The following PTPRD variants were observed in gnomAD, a reference collection of about 807,000 sequenced individuals.
The protein encoded by PTPRD is receptor-type tyrosine-protein phosphatase delta.
Under a neutral mutation model 214.5 loss-of-function variants are expected in PTPRD, and 34 were observed. The ratio of observed to expected loss-of-function variants is 0.16; its 90% CI spans 0.12 to 0.21. The LOEUF (loss-of-function observed/expected upper bound fraction) is 0.21, where lower values mean the gene tolerates loss of function less well. Ranked by LOEUF, PTPRD falls within the 10% of genes least tolerant of loss-of-function variation. PTPRD has a pLI of 1.00. For missense variants in PTPRD, 2,545 were observed against 2,398.7 expected, an observed-to-expected ratio of 1.06 and a Z score of -1.27; for synonymous variants, 1,128 against 845.7, an observed-to-expected ratio of 1.33 and a Z score of -5.79.
chr9:8,331,951 AAATCCTAAATTTATTTACTCTTGC>A (rs1564001917), intron 43 of PTPRD, among the ~76,000 whole-genome samples: 2 of 38,442 alleles, frequency 5.2e-5, no homozygotes, highest in Non-Finnish European at 7.5e-5. Context: ...TTTACTCTTG[AAATCCTAAATTTATTTACTCTTGC>A]AGTGCCCAGT....
In PTPRD at chr9:8,757,655, CAT is replaced by C. The variant is rs987282214; in HGVS notation, c.-103-23711_-103-23710del. Among the ~76,000 whole-genome samples the C allele has an allele frequency of 3.3e-4, 46 of 138,196 alleles. 1 individual carries two copies. Among genetic ancestry groups the C allele is most frequent in the East Asian group, 3.0e-3 (15 of 4,936 alleles). 90.7% of individuals were successfully genotyped at this position (138,196 alleles called of 152,430 possible). On this transcript the variant is annotated intron_variant, in intron 11 of 45. Transcript: ENST00000381196. ...ATATATATATATACATACATATATA[CAT>C]ATATATATACATACATATATATATA...
At chr9:10,435,805 T>A (rs1263799056) in intron 2 of PTPRD, among the ~76,000 whole-genome samples, 2 of 151,866 alleles carry the variant, frequency 1.3e-5, no homozygotes, top group East Asian at 3.9e-4. Context: ...AAGAAAAGGA[T>A]GAGTTATAAA....
chr9:9,076,270 C>A (rs1297780696), intron 10 of PTPRD, among the ~76,000 whole-genome samples: 3 of 151,968 alleles, frequency 2.0e-5, no homozygotes, highest in Admixed American at 6.6e-5. Flanking sequence ...TGTTTAAGTT[C>A]TTTGTAGATT....
chr9:10,170,277 T>G (rs565815685), intron 3 of PTPRD, among the ~76,000 whole-genome samples: 2 of 152,202 alleles, frequency 1.3e-5, no homozygotes, highest in South Asian at 4.1e-4. Flanking sequence ...AAAGTGGCCA[T>G]TGAAAGAACT....
intron 11 of PTPRD, among the ~76,000 whole-genome samples, chr9:8,961,667 T>C (rs2099159491): frequency 6.6e-6 from 1 of 152,098 alleles, no homozygotes; most frequent in South Asian, 2.1e-4. Context: ...AAGGTTTTAG[T>C]TTCCACTGCC....
At chr9:9,398,937 G>A (rs2069026219) in intron 8 of PTPRD, among the ~76,000 whole-genome samples, 1 of 151,920 alleles carries the variant, frequency 6.6e-6, no homozygotes, top group Non-Finnish European at 1.5e-5. Flanking sequence ...AGCCAACTAT[G>A]CTAGATCAGA....
intron 7 of PTPRD, among the ~76,000 whole-genome samples, chr9:9,641,260 G>A (rs1262941648): frequency 6.6e-6 from 1 of 152,182 alleles, no homozygotes; most frequent in Non-Finnish European, 1.5e-5. Context: ...TGATAAAGTG[G>A]TGAACATGCC....
chr9:9,490,847 A>G (rs898880225), intron 8 of PTPRD, among the ~76,000 whole-genome samples: 3 of 151,880 alleles, frequency 2.0e-5, no homozygotes, highest in African/African-American at 7.2e-5. Flanking sequence ...AAAATAGCAA[A>G]AAGACAGAGG....
At chr9:8,341,542 G>A (rs948706981) in intron 40 of PTPRD, 151 bp downstream of exon 40, 4 of 945,146 alleles carry the variant, frequency 4.2e-6, no homozygotes, top group South Asian at 1.7e-5. Context: ...AGAGGAAAAG[G>A]GGAGGAATAC....
intron 12 of PTPRD, among the ~76,000 whole-genome samples, chr9:8,656,343 G>A (rs977027353): frequency 6.6e-6 from 1 of 152,160 alleles, no homozygotes; most frequent in Non-Finnish European, 1.5e-5. Flanking sequence ...CTTCTTGAAA[G>A]CTGATTCCAC....
At chr9:9,521,470 A>G (rs1273481159) in intron 8 of PTPRD, among the ~76,000 whole-genome samples, 1 of 152,164 alleles carries the variant, frequency 6.6e-6, no homozygotes, top group African/African-American at 2.4e-5. Context: ...TTTCCCAGGT[A>G]TATCATCTGC....
At chr9:8,602,209 A>C (rs944967633) in intron 14 of PTPRD, among the ~76,000 whole-genome samples, 1 of 152,226 alleles carries the variant, frequency 6.6e-6, no homozygotes, top group East Asian at 1.9e-4. Flanking sequence ...CACCTGAGCC[A>C]ATAGTTCTAA....
chr9:8,693,907 T>G (rs1470229965), intron 12 of PTPRD, among the ~76,000 whole-genome samples: 3 of 152,214 alleles, frequency 2.0e-5, no homozygotes, highest in Non-Finnish European at 4.4e-5. Context: ...AGCCCTCAGA[T>G]TTTCCTAAAT....
chr9:8,609,535 G>A (rs921273933), intron 14 of PTPRD, among the ~76,000 whole-genome samples: 5 of 152,268 alleles, frequency 3.3e-5, no homozygotes, highest in East Asian at 1.9e-4. Context: ...TGCATTCCAC[G>A]GAAGCTTGTG....
intron 6 of PTPRD, among the ~76,000 whole-genome samples, chr9:9,760,824 C>T (rs545476913): frequency 1.2e-4 from 18 of 152,102 alleles, no homozygotes; most frequent in African/African-American, 4.3e-4. Flanking sequence ...TAGAGAAATG[C>T]AAATTAAAAA....
intron 2 of PTPRD, among the ~76,000 whole-genome samples, chr9:10,595,730 A>C (rs561317883): frequency 9.6e-4 from 145 of 151,820 alleles, no homozygotes; most frequent in Non-Finnish European, 1.7e-3. Flanking sequence ...AGCACATCTT[A>C]AAGTGGATTT....
intron 6 of PTPRD, among the ~76,000 whole-genome samples, chr9:9,756,180 G>A (rs1328718381): frequency 1.3e-5 from 2 of 151,968 alleles, no homozygotes; most frequent in South Asian, 4.1e-4. Context: ...TCTGACGAAC[G>A]ACAGAGATGA....
chr9:8,577,341 C>T (rs1239156737), intron 14 of PTPRD, among the ~76,000 whole-genome samples: 2 of 152,102 alleles, frequency 1.3e-5, no homozygotes, highest in Non-Finnish European at 2.9e-5. Context: ...CTGCAACCTC[C>T]GCCTCCTGGG....
chr9:8,740,641 T>A (rs116678219), intron 11 of PTPRD, among the ~76,000 whole-genome samples: 1 of 152,196 alleles, frequency 6.6e-6, no homozygotes, highest in Non-Finnish European at 1.5e-5. Context: ...ATTATTTGTA[T>A]GAAACTTGTA....
Sources: allele counts gnomAD v4.1 joint callset (sites outside exome capture counted in the v4.1 genomes callset), GRCh38; gene constraint gnomAD v4.1.1; transcripts MANE v1.5; gene names NCBI Gene and HGNC (gene_info 2026-07-23, HGNC 2026-07-21).